Variants in PTPRJ observed in about 807,000 individuals in gnomAD.
PTPRJ encodes the protein protein tyrosine phosphatase receptor type J.
Under a neutral mutation model 141.3 loss-of-function variants are expected in PTPRJ, and 129 were observed. That is an observed-to-expected ratio of 0.91 (90% CI 0.79 to 1.06). The LOEUF (loss-of-function observed/expected upper bound fraction) is 1.06, where lower values mean the gene tolerates loss of function less well. Ranked by LOEUF, PTPRJ falls within the 50% of genes least tolerant of loss-of-function variation. The pLI is 0.00. For missense variants in PTPRJ, 1,601 were observed against 1,679.7 expected (o/e 0.95, Z 0.82); for synonymous variants, 610 against 640.5 (o/e 0.95, Z 0.72).
At chr11:48,093,231 T>C (rs1488150619) in intron 1 of PTPRJ, among the ~76,000 whole-genome samples, 3 of 152,228 alleles carry the variant, frequency 2.0e-5, no homozygotes, top group Non-Finnish European at 4.4e-5. Flanking sequence ...CAAAGTTATA[T>C]TGGCTTCATA....
intron 22 of PTPRJ, among the ~76,000 whole-genome samples, chr11:48,160,865 C>T (rs1857753374): frequency 6.6e-6 from 1 of 152,058 alleles, no homozygotes; most frequent in Non-Finnish European, 1.5e-5. Context: ...GACTCGTCTG[C>T]TTATAATATC....
At chr11:48,159,885 A>G (rs1565333693) in intron 21 of PTPRJ, 45 bp from the exon 22 acceptor site, 1 of 1,608,642 alleles carries the variant, frequency 6.2e-7, no homozygotes, top group Non-Finnish European at 8.5e-7. Context: ...GTGATGGCAG[A>G]TGGCATGATC....
At position 48,121,212 on chromosome 11, in the gene PTPRJ, C is replaced by T. The variant is rs562903816; in HGVS notation, c.562C>T (p.Pro188Ser). Residue 188 changes from proline (P) to serine (S), a missense_variant, in exon 4 of 25, where the codon CCA becomes TCA. Physicochemically the swap from Pro to Ser is moderately conservative, Grantham distance 74. Coordinates refer to ENST00000418331, the MANE Select transcript of PTPRJ (RefSeq NM_002843.4). ...PATSYVFSITPGIGNETWGDP... is the reference protein window; with the variant it reads ...PATSYVFSITSGIGNETWGDP... ...GACTTCATATGTATTCTCCATCACT[C>T]CAGGAATAGGCAATGAGACTTGGGG... 1 of 1,614,074 alleles carries T rather than the reference C, an allele frequency of 6.2e-7. No individual in the cohort carries two copies. Among genetic ancestry groups the T allele is most frequent in the South Asian group, 1.1e-5 (1 of 91,078 alleles).
At chr11:48,114,561 A>T (rs1478295152) in intron 3 of PTPRJ, among the ~76,000 whole-genome samples, 1 of 151,956 alleles carries the variant, frequency 6.6e-6, no homozygotes, top group Non-Finnish European at 1.5e-5. Context: ...GGACAGGCTT[A>T]CTGTTGAAGG....
intron 1 of PTPRJ, among the ~76,000 whole-genome samples, chr11:47,988,182 A>C (rs1854098850): frequency 6.6e-6 from 1 of 152,224 alleles, no homozygotes; most frequent in Non-Finnish European, 1.5e-5. Context: ...AGCCTATAAC[A>C]CAGTGGTTCT....
At chr11:48,118,908 T>A (rs1856632760) in intron 3 of PTPRJ, among the ~76,000 whole-genome samples, 2 of 149,546 alleles carry the variant, frequency 1.3e-5, no homozygotes, top group Admixed American at 6.9e-5. Context: ...TAATCCCAGC[T>A]ACTTGGGAGG....
intron 1 of PTPRJ, among the ~76,000 whole-genome samples, chr11:48,047,073 G>A (rs1176161834): frequency 1.3e-5 from 2 of 151,178 alleles, no homozygotes; most frequent in Non-Finnish European, 3.0e-5. Flanking sequence ...GCACCACCAC[G>A]CCTGGCTAAT....
intron 1 of PTPRJ, among the ~76,000 whole-genome samples, chr11:48,078,786 C>T (rs1474770711): frequency 5.1e-5 from 7 of 137,732 alleles, no homozygotes; most frequent in Admixed American, 8.0e-5. Flanking sequence ...ATGTCAGTGT[C>T]TGTAAATAGT....
chr11:48,067,599 T>C (rs1334322224), intron 1 of PTPRJ, among the ~76,000 whole-genome samples: 3 of 152,128 alleles, frequency 2.0e-5, no homozygotes, highest in Non-Finnish European at 4.4e-5. Context: ...CAACAGCAAT[T>C]ATCCAAACCA....
At chr11:48,081,259 A>G (rs1186186477) in intron 1 of PTPRJ, among the ~76,000 whole-genome samples, 1 of 152,226 alleles carries the variant, frequency 6.6e-6, no homozygotes, top group Non-Finnish European at 1.5e-5. Context: ...CCTGCCGGCG[A>G]CAGGTCCGGA....
chr11:48,037,029 G>A (rs1409467347), intron 1 of PTPRJ, among the ~76,000 whole-genome samples: 1 of 152,198 alleles, frequency 6.6e-6, no homozygotes, highest in Non-Finnish European at 1.5e-5. Flanking sequence ...TGCACATGCA[G>A]ATATCATATG....
chr11:48,061,060 G>A (rs1454471169), intron 1 of PTPRJ, among the ~76,000 whole-genome samples: 1 of 152,064 alleles, frequency 6.6e-6, no homozygotes, highest in African/African-American at 2.4e-5. Flanking sequence ...GAGTGCAATG[G>A]CGCTATCAAT....
Position 48,142,992 on chromosome 11 carries a change from A to T in PTPRJ, c.2517A>T (p.Gly839=), listed in dbSNP as rs777441951. 14 of 1,614,040 alleles carry T rather than the reference A, an allele frequency of 8.7e-6. No individual in the cohort carries two copies. In the East Asian group the frequency reaches 3.1e-4, roughly 36 times the overall value. Residue 839 remains glycine, a synonymous_variant, in exon 12 of 25, where the codon GGA becomes GGT. Coordinates refer to ENST00000418331, the MANE Select transcript of PTPRJ (RefSeq NM_002843.4). ...SHNSVKVKFS[G]FEASHGPIKA... ...ATTCAGTAAAGGTCAAGTTCAGTGGATTTGAAGCCAGCCACGGACCCATCA... is the reference window on the plus strand; with the variant it reads ...ATTCAGTAAAGGTCAAGTTCAGTGGTTTTGAAGCCAGCCACGGACCCATCA...
chr11:47,999,858 T>G (rs1184866154), intron 1 of PTPRJ, among the ~76,000 whole-genome samples: 1 of 126,522 alleles, frequency 7.9e-6, no homozygotes, highest in African/African-American at 4.7e-5. Context: ...CATGCCGAGA[T>G]TCTTCTTTTT....
chr11:47,983,827 T>C (rs530065533), intron 1 of PTPRJ, among the ~76,000 whole-genome samples: 1 of 152,314 alleles, frequency 6.6e-6, no homozygotes, highest in Admixed American at 6.5e-5. Context: ...AGCTGGTGAC[T>C]GATAGCTGTT....
chr11:48,115,894 C>T (rs749098516), intron 3 of PTPRJ, among the ~76,000 whole-genome samples: 1 of 151,930 alleles, frequency 6.6e-6, no homozygotes, highest in African/African-American at 2.4e-5. Context: ...TTTTATAAGC[C>T]TCATGGTAAC....
intron 1 of PTPRJ, among the ~76,000 whole-genome samples, chr11:48,053,257 AT>A (rs1854637046): frequency 1.2e-5 from 1 of 85,592 alleles, no homozygotes; most frequent in Non-Finnish European, 2.0e-5. Flanking sequence ...TATAATATAT[AT>A]AATATATTAT....
At chr11:48,155,722 C>T (rs1857582471) in intron 19 of PTPRJ, 79 bp from the exon 20 acceptor site, 1 of 1,265,532 alleles carries the variant, frequency 7.9e-7, no homozygotes, top group African/African-American at 1.5e-5. Context: ...TTTTGAATTT[C>T]ATTTTTTTTT....
intron 1 of PTPRJ, among the ~76,000 whole-genome samples, chr11:48,088,962 C>T (rs1855787522): frequency 6.6e-6 from 1 of 152,162 alleles, no homozygotes; most frequent in South Asian, 2.1e-4. Flanking sequence ...GTGAAGAGCT[C>T]ATCATCTATT....
Sources: allele counts gnomAD v4.1 joint callset (sites outside exome capture counted in the v4.1 genomes callset), GRCh38; gene constraint gnomAD v4.1.1; transcripts MANE v1.5; gene names NCBI Gene and HGNC (gene_info 2026-07-23, HGNC 2026-07-21).